Variants in CSRNP3 observed in about 807,000 individuals in gnomAD.
CSRNP3 encodes the protein cysteine and serine rich nuclear protein 3.
Under a neutral mutation model 48.0 loss-of-function variants are expected in CSRNP3, and 12 were observed. That is an observed-to-expected ratio of 0.25 (90% confidence interval 0.16 to 0.41). The LOEUF (loss-of-function observed/expected upper bound fraction) is 0.41. Among genes scored for constraint, CSRNP3 ranks in the 10% least tolerant of loss-of-function variants. The pLI, the probability that CSRNP3 is intolerant of heterozygous loss-of-function variation, is 1.00. For missense variants in CSRNP3, 580 were observed against 724.4 expected (o/e 0.80, Z 2.29); for synonymous variants, 263 against 269.7 (o/e 0.98, Z 0.24).
intron 3 of CSRNP3, among the ~76,000 whole-genome samples, chr2:165,520,163 T>G (rs1684632605): frequency 6.6e-6 from 1 of 152,202 alleles, no homozygotes; most frequent in African/African-American, 2.4e-5. Context: ...TGCATTTTTA[T>G]TAGAAAATAT....
intron 3 of CSRNP3, among the ~76,000 whole-genome samples, chr2:165,587,750 G>A (rs951104085): frequency 5.3e-5 from 8 of 152,116 alleles, no homozygotes; most frequent in Non-Finnish European, 1.2e-4. Flanking sequence ...GTTGGCTTTT[G>A]TGTTGCTTGT....
chr2:165,627,228 A>G (rs1432902724), intron 4 of CSRNP3, among the ~76,000 whole-genome samples: 2 of 151,906 alleles, frequency 1.3e-5, no homozygotes, highest in Non-Finnish European at 2.9e-5. Flanking sequence ...GAATACCTTT[A>G]CCTCTGAAGC....
chr2:165,496,833 C>T (rs1239530639), intron 2 of CSRNP3, among the ~76,000 whole-genome samples: 1 of 151,960 alleles, frequency 6.6e-6, no homozygotes, highest in African/African-American at 2.4e-5. Flanking sequence ...GTGTCTATGA[C>T]TTTCCTAAAG....
intron 3 of CSRNP3, among the ~76,000 whole-genome samples, chr2:165,543,753 C>G (rs1290677387): frequency 2.0e-5 from 3 of 151,970 alleles, no homozygotes; most frequent in Non-Finnish European, 2.9e-5. Context: ...ATAATAATAG[C>G]ATCACGTAAA....
chr2:165,560,028 T>C (rs946442941), intron 3 of CSRNP3, among the ~76,000 whole-genome samples: 2 of 152,102 alleles, frequency 1.3e-5, no homozygotes, highest in Admixed American at 6.5e-5. Context: ...CTCGATCTCC[T>C]GACCTTGTGA....
Position 165,524,043 on chromosome 2 carries a change from A to G in CSRNP3, c.-24+6082A>G, listed in dbSNP as rs898622646. On this transcript the variant is annotated intron_variant, in intron 3 of 6. Coordinates refer to ENST00000651982, the MANE Select transcript of CSRNP3 (RefSeq NM_001172173.2). Reference sequence around the variant, plus strand: ...GGGTGTCAATGTCTAACAGGGACACACACAAAAGCATACATCAGAGCAATA... The same window carrying G: ...GGGTGTCAATGTCTAACAGGGACACGCACAAAAGCATACATCAGAGCAATA... Among the ~76,000 whole-genome samples, 7 of 152,328 alleles carry G rather than the reference A, an allele frequency of 4.6e-5. No individual in the cohort carries two copies. The South Asian group carries it at 8.3e-4, about 18-fold the overall frequency.
intron 5 of CSRNP3, among the ~76,000 whole-genome samples, chr2:165,673,981 A>G (rs1687378148): frequency 6.6e-6 from 1 of 152,196 alleles, no homozygotes; most frequent in Non-Finnish European, 1.5e-5. Flanking sequence ...AGATTGTGCC[A>G]TTGCACTCCA....
At chr2:165,603,364 T>G (rs1685950079) in intron 4 of CSRNP3, among the ~76,000 whole-genome samples, 1 of 152,186 alleles carries the variant, frequency 6.6e-6, no homozygotes, top group African/African-American at 2.4e-5. Context: ...ATTCCTTACT[T>G]CAATTCCATT....
At chr2:165,661,064 T>C (rs1285551832) in intron 5 of CSRNP3, among the ~76,000 whole-genome samples, 1 of 152,236 alleles carries the variant, frequency 6.6e-6, no homozygotes, top group Non-Finnish European at 1.5e-5. Context: ...ATTCCTCTAG[T>C]ATGTGAACTT....
At chr2:165,604,426 C>T (rs958699173) in intron 4 of CSRNP3, among the ~76,000 whole-genome samples, 20 of 152,284 alleles carry the variant, frequency 1.3e-4, no homozygotes, top group Middle Eastern at 3.4e-3. Flanking sequence ...TATTAGAAGA[C>T]TTCACAATGG....
chr2:165,503,629 A>T (rs1029091587), intron 2 of CSRNP3, among the ~76,000 whole-genome samples: 1 of 152,004 alleles, frequency 6.6e-6, no homozygotes, highest in Non-Finnish European at 1.5e-5. Flanking sequence ...ATGCCATTGG[A>T]ATTACATTAA....
intron 4 of CSRNP3, among the ~76,000 whole-genome samples, chr2:165,605,178 C>T (rs1333226606): frequency 6.6e-6 from 1 of 152,088 alleles, no homozygotes; most frequent in African/African-American, 2.4e-5. Flanking sequence ...GAACTCATTA[C>T]TGTGGCTTCC....
chr2:165,557,887 G>A (rs969804000), intron 3 of CSRNP3, among the ~76,000 whole-genome samples: 3 of 152,176 alleles, frequency 2.0e-5, no homozygotes, highest in Admixed American at 6.5e-5. Context: ...ATGTTTAGAG[G>A]TGTGAAGAAA....
At chr2:165,643,311 G>A (rs1686756193) in intron 4 of CSRNP3, among the ~76,000 whole-genome samples, 1 of 152,180 alleles carries the variant, frequency 6.6e-6, no homozygotes, top group Admixed American at 6.5e-5. Flanking sequence ...TGTTGTGTTT[G>A]TAGCAAGCAA....
intron 4 of CSRNP3, among the ~76,000 whole-genome samples, chr2:165,608,168 A>G (rs1485757214): frequency 6.0e-5 from 9 of 151,258 alleles, no homozygotes; most frequent in Non-Finnish European, 1.5e-5. Flanking sequence ...ATTTTATTGG[A>G]TTTTGTTTGG....
At chr2:165,548,094 GA>G (rs1439965983) in intron 3 of CSRNP3, among the ~76,000 whole-genome samples, 1 of 152,086 alleles carries the variant, frequency 6.6e-6, no homozygotes, top group African/African-American at 2.4e-5. Context: ...CTTCCACTGT[GA>G]AAACTAATTT....
In CSRNP3 at chr2:165,689,288, AG is replaced by A; in HGVS notation, c.*9536del. The A allele has an allele frequency of 6.6e-6, 1 of 152,240 alleles. No individual in the cohort carries two copies. Among genetic ancestry groups the A allele is most frequent in the Admixed American group, 6.5e-5 (1 of 15,276 alleles). The allele number at this position is 152,240 out of a possible 1,614,324, so 9.4% of individuals were successfully genotyped here. A position where few individuals can be genotyped will look rare whatever the true frequency, so the allele number is the denominator to read the frequency against. On this transcript the variant is annotated 3_prime_UTR_variant, in exon 7 of 7. Coordinates refer to ENST00000651982, the MANE Select transcript of CSRNP3 (RefSeq NM_001172173.2). ...TATATATAACAAATAAGCATTTTTA[AG>A]TCTTATCCTTAAGTTTCTTTTATTA...
At chr2:165,614,850 A>G (rs1253825119) in intron 4 of CSRNP3, among the ~76,000 whole-genome samples, 1 of 152,120 alleles carries the variant, frequency 6.6e-6, no homozygotes, top group East Asian at 1.9e-4. Context: ...TTTAATGTTC[A>G]TGTATTTTTA....
chr2:165,572,592 G>T (rs1047182397), intron 3 of CSRNP3: 2 of 152,162 alleles, frequency 1.3e-5, no homozygotes, highest in Non-Finnish European at 2.9e-5. Context: ...GAACAGGTTG[G>T]TGATTTTATA....
Sources: allele counts gnomAD v4.1 joint callset (sites outside exome capture counted in the v4.1 genomes callset), GRCh38; gene constraint gnomAD v4.1.1; transcripts MANE v1.5; gene names NCBI Gene and HGNC (gene_info 2026-07-23, HGNC 2026-07-21).